The following MYH11 variants were observed in gnomAD, a reference collection of about 807,000 sequenced individuals.
MYH11 encodes the protein myosin-11.
A neutral mutation model predicts 246.6 loss-of-function variants in MYH11; 80 were observed. The observed-to-expected ratio is 0.32, with a 90% CI of 0.27 to 0.39. MYH11 has a LOEUF of 0.39. Among genes scored for constraint, MYH11 ranks in the 10% least tolerant of loss-of-function variants. The pLI, the probability that MYH11 is intolerant of heterozygous loss-of-function variation, is 1.00. For synonymous variants in MYH11, 1,071 were observed against 1,015.5 expected (o/e 1.05, Z -1.04); for missense variants, 2,158 against 2,546.8 (o/e 0.85, Z 3.29).
intron 4 of MYH11, chr16:15,791,663 C>A (rs573463727): frequency 2.8e-5 from 4 of 144,764 alleles, no homozygotes; most frequent in African/African-American, 1.0e-4. Flanking sequence ...AAAACACTTA[C>A]CTTGTATGAT....
In MYH11 at chr16:15,763,811, T is replaced by TG. The variant is rs1177475839; in HGVS notation, c.1113dup (p.Met372HisfsTer4). On this transcript the variant is annotated frameshift_variant, in exon 10 of 41. Transcript: ENST00000300036. LOFTEE classifies it high-confidence loss of function. ...TGGCAAGTACCTGTGTTATCTGGCA[T>TG]GGACGCCTGGTCTGTGTTTCTTTCC... 7.0e-7 allele frequency: 1 copy of TG among 1,430,068 alleles called. No homozygotes were observed. The highest frequency in any genetic ancestry group is 1.6e-5 in the African/African-American group (1 of 64,256). The allele number at this position is 1,430,068 out of a possible 1,614,324, so 88.6% of individuals were successfully genotyped here.
chr16:15,782,593 C>T (rs1277670101), intron 5 of MYH11, 116 bp from the exon 6 acceptor site: 5 of 756,246 alleles, frequency 6.6e-6, no homozygotes, highest in South Asian at 5.9e-5. Context: ...CTCCTATCTC[C>T]TACCTCCTCT....
intron 38 of MYH11, 113 bp from the exon 39 acceptor site, chr16:15,715,385 C>T (rs548849188): frequency 2.5e-5 from 23 of 914,024 alleles, no homozygotes; most frequent in South Asian, 8.0e-5. Flanking sequence ...TATCTGGACT[C>T]CTCTCAAGAA....
At chr16:15,818,892 T>C (rs1403775911) in intron 3 of MYH11, among the ~76,000 whole-genome samples, 1 of 152,216 alleles carries the variant, frequency 6.6e-6, no homozygotes, top group East Asian at 1.9e-4. Context: ...TTTCTTTCTT[T>C]CTTTCGTGAC....
At position 15,837,990 on chromosome 16, in the gene MYH11, T is replaced by C; in HGVS notation, c.263A>G (p.Glu88Gly). The C allele has an allele frequency of 6.2e-7, 1 of 1,614,200 alleles. No homozygotes were observed. Among genetic ancestry groups the C allele is most frequent in the East Asian group, 2.2e-5 (1 of 44,888 alleles). Reference sequence around the variant, plus strand: ...GAGGCACGTCAGCTCCGCCATGTCCTCCACCTTGGAGAACTTGGGTGGGTT... The same window carrying C: ...GAGGCACGTCAGCTCCGCCATGTCCCCCACCTTGGAGAACTTGGGTGGGTT... The part of the protein sequence containing the change: ...KMNPPKFSKV[E>G]DMAELTCLNE... The change falls in exon 2 of 41, where the codon GAG becomes GGG. Residue 88 changes from glutamate (E) to glycine (G), a missense_variant. Glu to Gly is a moderately conservative substitution (Grantham distance 98). Transcript: ENST00000300036.
intron 4 of MYH11, among the ~76,000 whole-genome samples, chr16:15,797,654 C>T (rs1328646822): frequency 2.0e-5 from 3 of 150,764 alleles, no homozygotes; most frequent in Middle Eastern, 3.4e-3. Flanking sequence ...TCAAATTCAC[C>T]GACCTGCTGA....
Position 15,745,247 on chromosome 16 carries a change from G to A in MYH11, c.2412-10C>T, listed in dbSNP as rs2041385623. On this transcript the variant is annotated splice_polypyrimidine_tract_variant and intron_variant, in intron 19 of 40. Coordinates refer to ENST00000300036, the MANE Select transcript of MYH11 (RefSeq NM_002474.3). ...CCTCTTGGCAAAAGCCCTAGGGAGG[G>A]GGGAAGAGAAGGTGCGGGGGTCATG... is the stretch of plus-strand genomic sequence containing the variant. The A allele has an allele frequency of 6.2e-7, 1 of 1,610,088 alleles. No homozygotes were observed. The highest frequency in any genetic ancestry group is 8.5e-7 in the Non-Finnish European group (1 of 1,176,800).
intron 9 of MYH11, 114 bp from the exon 10 acceptor site, chr16:15,764,005 A>T (rs1417768632): frequency 1.2e-6 from 1 of 806,696 alleles, no homozygotes; most frequent in Non-Finnish European, 2.2e-6. Context: ...TTTCCTCTGA[A>T]GAAACTAGAT....
Position 15,788,798 on chromosome 16 carries a change from A to ATGTGTG in MYH11, c.531-2072_531-2067dup, listed in dbSNP as rs58077308. 7.0e-3 allele frequency among the ~76,000 whole-genome samples: 734 copies of ATGTGTG among 104,864 alleles called. 8 individuals are homozygous for ATGTGTG. Among genetic ancestry groups the ATGTGTG allele is most frequent in the African/African-American group, 0.014 (458 of 31,760 alleles). The allele number at this position is 104,864 out of a possible 152,430, so 68.8% of individuals were successfully genotyped here. ...GAAGGGGAAACTAAGACCAGAATAT[A>ATGTGTG]TGTGTGTGTGTGTGTGTGTGTGTGT... On this transcript the variant is annotated intron_variant, in intron 4 of 40. Coordinates refer to ENST00000300036, the MANE Select transcript of MYH11 (RefSeq NM_002474.3).
At chr16:15,819,422 C>A (rs1336725180) in intron 3 of MYH11, among the ~76,000 whole-genome samples, 1 of 152,166 alleles carries the variant, frequency 6.6e-6, no homozygotes, top group Non-Finnish European at 1.5e-5. Flanking sequence ...GTATTTACAG[C>A]CACTCCCTAT....
chr16:15,785,517 G>A (rs745590929), intron 5 of MYH11: 19 of 151,616 alleles, frequency 1.3e-4, no homozygotes, highest in Non-Finnish European at 2.2e-4. Context: ...CCAAAGCCAC[G>A]ACCAGCGCCC....
intron 4 of MYH11, 125 bp from the exon 5 acceptor site, chr16:15,786,857 G>C: frequency 1.1e-6 from 1 of 943,130 alleles, no homozygotes; most frequent in Non-Finnish European, 1.7e-6. Context: ...GAGGCTCCCA[G>C]AGGGGAAGTA....
chr16:15,747,666 G>T lies in MYH11; in HGVS notation c.2315C>A (p.Thr772Asn). The change falls in exon 19 of 41, where the codon ACT becomes AAT. Residue 772 changes from threonine to asparagine, a missense_variant. This residue lies in a region of MYH11 where 56 missense variants were observed against 47.2 expected (regional missense o/e 1.19). Transcript: ENST00000300036. ...CTCCTCTAGGTGGGCCAGGACGCCAGTTCGGAAGAAGATTTTGCTCTGCCC... is the reference window on the plus strand; with the variant it reads ...CTCCTCTAGGTGGGCCAGGACGCCATTTCGGAAGAAGATTTTGCTCTGCCC... ...RIGQSKIFFR[T>N]GVLAHLEEER... The T allele has an allele frequency of 6.2e-7, 1 of 1,614,154 alleles. No homozygotes were observed.
At chr16:15,805,748 CA>C (rs922188484) in intron 3 of MYH11, among the ~76,000 whole-genome samples, 9 of 150,468 alleles carry the variant, frequency 6.0e-5, no homozygotes, top group African/African-American at 1.2e-4. Context: ...CCTATCTCTA[CA>C]AAAAAAAATG....
intron 16 of MYH11, 82 bp from the exon 17 acceptor site, chr16:15,748,250 C>T: frequency 2.5e-6 from 4 of 1,593,214 alleles, no homozygotes; most frequent in Non-Finnish European, 3.4e-6. Context: ...ACCTGGATGA[C>T]CCACCTGGCC....
chr16:15,756,612 G>A (rs2041724130), intron 13 of MYH11, 98 bp from the exon 14 acceptor site: 56 of 1,222,634 alleles, frequency 4.6e-5, no homozygotes, highest in Non-Finnish European at 6.0e-5. Context: ...GGCATCCGCC[G>A]AGATCTGATA....
intron 5 of MYH11, 193 bp from the exon 6 acceptor site, chr16:15,782,670 C>T: frequency 1.7e-6 from 1 of 587,098 alleles, no homozygotes; most frequent in Non-Finnish European, 3.1e-6. Flanking sequence ...TCTGAGCTCT[C>T]TAATAGCTAG....
intron 9 of MYH11, among the ~76,000 whole-genome samples, chr16:15,769,576 C>T (rs1258808294): frequency 6.6e-6 from 1 of 151,922 alleles, no homozygotes; most frequent in South Asian, 2.1e-4. Context: ...CTACAGTGTG[C>T]ACCACCACAC....
chr16:15,705,570 C>T (rs1309066618), intron 40 of MYH11, among the ~76,000 whole-genome samples: 5 of 152,294 alleles, frequency 3.3e-5, no homozygotes, highest in East Asian at 3.9e-4. Context: ...TGACCTGAAT[C>T]GGAAGACAGG....
Sources: allele counts gnomAD v4.1 joint callset (sites outside exome capture counted in the v4.1 genomes callset), GRCh38; gene constraint gnomAD v4.1.1; regional missense constraint gnomAD v4.1.1; transcripts MANE v1.5; gene names NCBI Gene and HGNC (gene_info 2026-07-23, HGNC 2026-07-21).